Variants in ABCC9 observed in about 807,000 individuals in gnomAD.
ABCC9 encodes the protein ATP binding cassette subfamily C member 9.
In ABCC9, 95 loss-of-function variants were observed where a neutral mutation model predicts 188.3. The ratio of observed to expected loss-of-function variants is 0.50; its 90% confidence interval spans 0.43 to 0.60. The LOEUF is 0.60. ABCC9 is among the 20% of genes least tolerant of loss of function. The pLI is 0.00. For missense variants in ABCC9, 1,102 were observed against 1,876.3 expected (o/e 0.59, Z 7.62); for synonymous variants, 659 against 652.7 (o/e 1.01, Z -0.15).
chr12:21,824,945 T>A (rs11046198), intron 31 of ABCC9, among the ~76,000 whole-genome samples: 8,827 of 152,170 alleles, frequency 0.058, 366 homozygotes, highest in East Asian at 0.11. Context: ...TTGATCTTTT[T>A]TGTTGATCTA....
In ABCC9 at chr12:21,848,144, A is replaced by T. The variant is rs1272369134; in HGVS notation, c.2866+6T>A. 2.5e-6 allele frequency: 4 copies of T among 1,612,472 alleles called. No homozygotes were observed. Among genetic ancestry groups the T allele is most frequent in the Non-Finnish European group, 2.5e-6 (3 of 1,178,810 alleles). On this transcript the variant is annotated splice_donor_region_variant and intron_variant, in intron 25 of 39. Coordinates refer to ENST00000261200, the MANE Select transcript of ABCC9 (RefSeq NM_020297.4). ...GAATGTTCCAGATAAAAGAAAAAAGATCTACCTTCGTCTTCGTCCTCCATC... is the reference window on the plus strand; with the variant it reads ...GAATGTTCCAGATAAAAGAAAAAAGTTCTACCTTCGTCTTCGTCCTCCATC...
chr12:21,894,899 C>G (rs562078303), intron 13 of ABCC9, among the ~76,000 whole-genome samples: 1 of 152,246 alleles, frequency 6.6e-6, no homozygotes, highest in Admixed American at 6.5e-5. Context: ...TATCTGGGAA[C>G]CAGATCGTTG....
intron 11 of ABCC9, among the ~76,000 whole-genome samples, chr12:21,906,665 G>A (rs577160642): frequency 6.6e-6 from 1 of 152,016 alleles, no homozygotes; most frequent in South Asian, 2.1e-4. Context: ...AATTTCTTCT[G>A]CAGTCAGCTC....
Position 21,872,710 on chromosome 12 carries a change from C to T in ABCC9, c.2113G>A (p.Gly705Ser), listed in dbSNP as rs1456182550. 3.7e-6 allele frequency: 6 copies of T among 1,613,348 alleles called. No homozygotes were observed. The highest frequency in any genetic ancestry group is 5.1e-6 in the Non-Finnish European group (6 of 1,179,626). The change falls in exon 18 of 40, where the codon GGC becomes AGC. Residue 705 changes from glycine to serine, a missense_variant. Coordinates refer to ENST00000261200, the MANE Select transcript of ABCC9 (RefSeq NM_020297.4). Reference sequence around the variant, plus strand: ...GAGGACTTCCCACATCCTACTTGGCCCACAATCATGGTTAACTGACCTAGG... The same window carrying T: ...GAGGACTTCCCACATCCTACTTGGCTCACAATCATGGTTAACTGACCTAGG... ...IPTGQLTMIVGQVGCGKSSLL... is the reference protein window; with the variant it reads ...IPTGQLTMIVSQVGCGKSSLL...
In ABCC9 at chr12:21,806,024, C is replaced by T. The variant is rs1159868720; in HGVS notation, c.4486G>A (p.Ala1496Thr). 3 of 1,613,252 alleles carry T rather than the reference C, an allele frequency of 1.9e-6. No individual in the cohort carries two copies. The highest frequency in any genetic ancestry group is 2.5e-6 in the Non-Finnish European group (3 of 1,179,726). The change falls in exon 39 of 40, where the codon GCA (alanine) becomes ACA (threonine). Residue 1496 changes from alanine to threonine, a missense_variant. Ala to Thr is a moderately conservative substitution (Grantham distance 58). This residue lies in a region of ABCC9 where 40 missense variants were observed against 105.5 expected (regional missense o/e 0.38). Coordinates refer to ENST00000261200, the MANE Select transcript of ABCC9 (RefSeq NM_020297.4). ...ILQKVVMTAFADRTVVTIAHR... is the reference protein window; with the variant it reads ...ILQKVVMTAFTDRTVVTIAHR... The stretch of plus-strand genomic sequence containing the variant: ...GCTATTGTCACCACGGTCCGGTCTG[C>T]AAAGGCTGTCATTACTACTTTTTGC...
intron 5 of ABCC9, among the ~76,000 whole-genome samples, chr12:21,917,768 A>G (rs1322806389): frequency 1.3e-5 from 2 of 152,210 alleles, no homozygotes; most frequent in African/African-American, 4.8e-5. Context: ...TGCAGCCAAT[A>G]TGAGATAGAA....
intron 6 of ABCC9, 104 bp from the exon 7 acceptor site, chr12:21,916,014 A>T: frequency 8.7e-7 from 1 of 1,152,596 alleles, no homozygotes; most frequent in Non-Finnish European, 1.2e-6. Context: ...AGGTGACCAA[A>T]ATTTATATTT....
chr12:21,861,231 C>CTGAT (rs1945492182), intron 20 of ABCC9, among the ~76,000 whole-genome samples, 176 bp from the exon 21 acceptor site: 1 of 149,038 alleles, frequency 6.7e-6, no homozygotes, highest in Admixed American at 6.7e-5. Flanking sequence ...CTTCCCCCCC[C>CTGAT]TTTTTTTTTT....
At position 21,910,141 on chromosome 12, in the gene ABCC9, AT is replaced by A; in HGVS notation, c.1320+15del. 1 of 1,602,890 alleles carries A rather than the reference AT, an allele frequency of 6.2e-7. No homozygotes were observed. The highest frequency in any genetic ancestry group is 1.1e-5 in the South Asian group (1 of 90,846). On this transcript the variant is annotated intron_variant, in intron 10 of 39. Coordinates refer to ENST00000261200, the MANE Select transcript of ABCC9 (RefSeq NM_020297.4). The stretch of plus-strand genomic sequence containing the variant: ...TCCTCTGCAGACAAAAATCTTACTT[AT>A]ATTTATCTACCTACCTGAACAGGCA...
At chr12:21,809,724 T>C (rs768280599) in intron 37 of ABCC9, 128 bp downstream of exon 37, 2 of 660,450 alleles carry the variant, frequency 3.0e-6, no homozygotes, top group Non-Finnish European at 5.2e-6. Flanking sequence ...CTAATGACTT[T>C]TAGGATATTA....
chr12:21,853,052 C>T (rs144615046), intron 22 of ABCC9, among the ~76,000 whole-genome samples: 26 of 152,268 alleles, frequency 1.7e-4, no homozygotes, highest in Admixed American at 3.3e-4. Flanking sequence ...TGGTGGCTCA[C>T]GTCTGTAATC....
intron 16 of ABCC9, among the ~76,000 whole-genome samples, chr12:21,877,723 G>A (rs1946432019): frequency 1.3e-5 from 2 of 152,182 alleles, no homozygotes; most frequent in South Asian, 2.1e-4. Context: ...AGAGAAGGAG[G>A]TGGGAATAGA....
rs1199395869 is a variant in ABCC9, at chr12:21,799,298, T to TAA, written c.*1744_*1745dup. The TAA allele has an allele frequency of 6.8e-6, 1 of 146,860 alleles. No homozygotes were observed. The highest frequency in any genetic ancestry group is 1.5e-5 in the Non-Finnish European group (1 of 66,120). 9.1% of individuals were successfully genotyped at this position (146,860 alleles called of 1,614,324 possible). A position where few individuals can be genotyped will look rare whatever the true frequency, so the allele number is the denominator to read the frequency against. On this transcript the variant is annotated 3_prime_UTR_variant, in exon 40 of 40. Transcript: ENST00000261200. ...AAAAAAAAAAGATTACTTCCATGGG[T>TAA]AAAAACCCATTTCTCTATGAGAATG...
intron 5 of ABCC9, chr12:21,923,770 G>GGTATTT (rs1948933099): frequency 4.4e-6 from 3 of 687,472 alleles, no homozygotes; most frequent in Non-Finnish European, 7.9e-6. Flanking sequence ...TTCACTCTTA[G>GGTATTT]GTATTTACCT....
Position 21,807,405 on chromosome 12 carries a change from CA to C in ABCC9, c.4389del (p.Phe1463LeufsTer28), listed in dbSNP as rs1463959042. On this transcript the variant is annotated frameshift_variant, in exon 38 of 40. Coordinates refer to ENST00000261200, the MANE Select transcript of ABCC9 (RefSeq NM_020297.4). LOFTEE classifies it high-confidence loss of function. ...QRQLFCLARAFVRKSSILIMD... is the reference protein window; with the variant it reads ...QRQLFCLARAXVRKSSILIMD... ...ATAATAAGAATGCTGCTTTTGCGGACAAAGGCCCTGGCAAGGCAAAATAGCT... is the reference window on the plus strand; with the variant it reads ...ATAATAAGAATGCTGCTTTTGCGGACAAGGCCCTGGCAAGGCAAAATAGCT... 3 of 1,614,008 alleles carry C rather than the reference CA, an allele frequency of 1.9e-6. No individual in the cohort carries two copies. The Admixed American group carries it at 5.0e-5, about 27-fold the overall frequency.
At chr12:21,853,707 C>G (rs1945082885) in intron 22 of ABCC9, among the ~76,000 whole-genome samples, 1 of 151,980 alleles carries the variant, frequency 6.6e-6, no homozygotes. Context: ...AATAGGAGAG[C>G]TAGAAACAAC....
At chr12:21,896,891 G>C (rs1947457750) in intron 12 of ABCC9, among the ~76,000 whole-genome samples, 1 of 152,184 alleles carries the variant, frequency 6.6e-6, no homozygotes, top group Non-Finnish European at 1.5e-5. Context: ...ACACATGCAT[G>C]TATCTTTAAA....
chr12:21,816,698 C>T lies in ABCC9; in HGVS notation c.3892+489G>A, dbSNP rs142898194. Among the ~76,000 whole-genome samples, 161 of 152,058 alleles carry T rather than the reference C, an allele frequency of 1.1e-3. 1 individual carries two copies. Among genetic ancestry groups the T allele is most frequent in the Middle Eastern group, 3.4e-3 (1 of 292 alleles). ...CTTAGCTAAGTTTTCTGGATTTTGTCCTTGAAGAACTAGATGACTGTTGAA... is the reference window on the plus strand; with the variant it reads ...CTTAGCTAAGTTTTCTGGATTTTGTTCTTGAAGAACTAGATGACTGTTGAA... On this transcript the variant is annotated intron_variant, in intron 33 of 39. Coordinates refer to ENST00000261200, the MANE Select transcript of ABCC9 (RefSeq NM_020297.4).
intron 21 of ABCC9, 152 bp from the exon 22 acceptor site, chr12:21,859,818 A>G: frequency 1.3e-6 from 1 of 748,918 alleles, no homozygotes; most frequent in Admixed American, 2.0e-5. Flanking sequence ...GAAAACATGG[A>G]AACTGTCTAC....
Sources: gnomAD v4.1 joint callset for allele counts (sites outside exome capture counted in the v4.1 genomes callset) on GRCh38, gnomAD v4.1.1 for gene constraint, gnomAD v4.1.1 regional missense constraint, MANE v1.5 for transcripts, NCBI Gene and HGNC (gene_info 2026-07-23, HGNC 2026-07-21) for gene names.